Variants in TSHZ3 observed in about 807,000 individuals in gnomAD.
TSHZ3 encodes the protein teashirt zinc finger homeobox 3.
Under a neutral mutation model 64.5 loss-of-function variants are expected in TSHZ3, and 10 were observed. That is an observed-to-expected ratio of 0.16 (90% confidence interval 0.10 to 0.26). TSHZ3 has a LOEUF of 0.26. TSHZ3 is among the 10% of genes least tolerant of loss of function. The probability of loss-of-function intolerance (pLI) is 1.00; values close to 1 mark genes in which losing one functional copy is unlikely to be tolerated. For synonymous variants in TSHZ3, 608 were observed against 593.1 expected (o/e 1.03, Z -0.36); for missense variants, 1,242 against 1,421.7 (o/e 0.87, Z 2.03).
chr19:31,282,229 A>G (rs80004749), intron 1 of TSHZ3, among the ~76,000 whole-genome samples: 7,673 of 152,216 alleles, frequency 0.05, 281 homozygotes, highest in South Asian at 0.1. Flanking sequence ...ACTCAAGGAA[A>G]TGCCCAGGCC....
At chr19:31,347,267 C>CCAA (rs1256625556) in intron 1 of TSHZ3, among the ~76,000 whole-genome samples, 2 of 150,786 alleles carry the variant, frequency 1.3e-5, no homozygotes, top group Admixed American at 6.6e-5. Flanking sequence ...ATAAATAAAG[C>CCAA]CAACAGCAGG....
intron 1 of TSHZ3, among the ~76,000 whole-genome samples, chr19:31,305,318 G>GA (rs34646379): frequency 0.19 from 26,718 of 139,554 alleles, 3,778 homozygotes; most frequent in African/African-American, 0.4. Flanking sequence ...GTCTGGAAAG[G>GA]AAAAAAAAAA....
chr19:31,165,729 C>T (rs1175761416), intron 5 of TSHZ3, among the ~76,000 whole-genome samples: 1 of 152,100 alleles, frequency 6.6e-6, no homozygotes, highest in Non-Finnish European at 1.5e-5. Flanking sequence ...AAATCCAGGC[C>T]ATAACAAGGA....
chr19:31,303,819 A>AT (rs1009075795), intron 1 of TSHZ3, among the ~76,000 whole-genome samples: 6 of 152,050 alleles, frequency 3.9e-5, no homozygotes, highest in Admixed American at 2.0e-4. Flanking sequence ...AGAAAGACGG[A>AT]TTTTTTTGCA....
intron 5 of TSHZ3, among the ~76,000 whole-genome samples, chr19:31,171,040 A>G (rs770067413): frequency 6.6e-6 from 1 of 152,196 alleles, no homozygotes; most frequent in Non-Finnish European, 1.5e-5. Flanking sequence ...TAGAAAGGGA[A>G]TTTAGGTATA....
At chr19:31,306,504 TGA>T (rs1916300517) in intron 1 of TSHZ3, among the ~76,000 whole-genome samples, 1 of 152,110 alleles carries the variant, frequency 6.6e-6, no homozygotes, top group Non-Finnish European at 1.5e-5. Context: ...TCTTTTATCT[TGA>T]GAGGGCACAC....
In TSHZ3 at chr19:31,313,120, G is replaced by A. The variant is rs1568377918; in HGVS notation, c.41-33368C>T. Among the ~76,000 whole-genome samples the A allele has an allele frequency of 3.3e-5, 5 of 152,200 alleles. No individual in the cohort carries two copies. In the East Asian group the frequency reaches 9.7e-4, roughly 30 times the overall value. ...CTCAGGATGCCAAACCTGCTTGGGG[G>A]CAAGGAACAGTCACAGAGGCTTCCA... On this transcript the variant is annotated intron_variant, in intron 1 of 1. Transcript: ENST00000240587.
chr19:31,277,176 C>T lies in TSHZ3; in HGVS notation c.2617G>A (p.Asp873Asn). The change falls in exon 2 of 2, where the codon GAC (aspartate) becomes AAC (asparagine). Residue 873 changes from aspartate (D) to asparagine (N), a missense_variant. By Grantham distance (23) the Asp-to-Asn change is conservative. Coordinates refer to ENST00000240587, the MANE Select transcript of TSHZ3 (RefSeq NM_020856.4). This position sits in a 1 kb window ranked among gnomAD's most constrained non-coding sequence, Gnocchi z 4.5. ...STPSSISEKS[D>N]IDGATLEEAE... ...TCCTCCAGAGTGGCCCCGTCAATGT[C>T]AGACTTCTCGGAGATGCTGGAAGGA... is the stretch of plus-strand genomic sequence containing the variant. The T allele has an allele frequency of 1.9e-6, 3 of 1,614,080 alleles. No individual in the cohort carries two copies. Among genetic ancestry groups the T allele is most frequent in the Non-Finnish European group, 2.5e-6 (3 of 1,179,972 alleles).
chr19:31,209,109 T>G (rs1364727709), intron 4 of TSHZ3, among the ~76,000 whole-genome samples: 1 of 152,096 alleles, frequency 6.6e-6, no homozygotes, highest in Non-Finnish European at 1.5e-5. Flanking sequence ...AGATTTCAAA[T>G]GGACTCAAGA....
At chr19:31,245,681 C>T (rs892550489) in intron 1 of TSHZ3, among the ~76,000 whole-genome samples, 7 of 152,116 alleles carry the variant, frequency 4.6e-5, no homozygotes, top group Non-Finnish European at 8.8e-5. Flanking sequence ...ACCAGCCTTG[C>T]AGAGGATTAC....
intron 4 of TSHZ3, among the ~76,000 whole-genome samples, chr19:31,226,396 A>G (rs1599593146): frequency 6.6e-6 from 1 of 152,002 alleles, no homozygotes; most frequent in Non-Finnish European, 1.5e-5. Flanking sequence ...ACAAGATCTG[A>G]TTGTTTCATA....
intron 1 of TSHZ3, among the ~76,000 whole-genome samples, chr19:31,316,383 T>C (rs1298212039): frequency 1.3e-5 from 2 of 152,198 alleles, no homozygotes; most frequent in Non-Finnish European, 2.9e-5. Flanking sequence ...TCTCCTGTAA[T>C]TGTTTACCTA....
At chr19:31,161,348 C>A (rs746213413) in intron 5 of TSHZ3, among the ~76,000 whole-genome samples, 3 of 152,082 alleles carry the variant, frequency 2.0e-5, no homozygotes, top group Non-Finnish European at 4.4e-5. Flanking sequence ...GAACTAAGGA[C>A]TAAAGTTAAG....
At chr19:31,170,139 T>C (rs946095150) in intron 5 of TSHZ3, among the ~76,000 whole-genome samples, 3 of 152,078 alleles carry the variant, frequency 2.0e-5, no homozygotes, top group African/African-American at 7.2e-5. Flanking sequence ...TGATGAGTGT[T>C]GGGGGCTTAA....
chr19:31,325,539 G>A (rs891703410), intron 1 of TSHZ3, among the ~76,000 whole-genome samples: 5 of 152,168 alleles, frequency 3.3e-5, no homozygotes, highest in Admixed American at 2.6e-4. Flanking sequence ...AAGCGCTGAC[G>A]GCCAGAGACA....
At chr19:31,212,399 A>T (rs1180855345) in intron 4 of TSHZ3, among the ~76,000 whole-genome samples, 1 of 152,214 alleles carries the variant, frequency 6.6e-6, no homozygotes, top group African/African-American at 2.4e-5. Flanking sequence ...CGGAGGTTGC[A>T]GTGAGCCAAG....
intron 5 of TSHZ3, among the ~76,000 whole-genome samples, chr19:31,184,948 A>G (rs1259438143): frequency 6.6e-6 from 1 of 152,182 alleles, no homozygotes; most frequent in Non-Finnish European, 1.5e-5. Flanking sequence ...TTTTCCCCCC[A>G]AGGGGTTAAG....
chr19:31,241,619 G>A (rs528305043), intron 3 of TSHZ3, among the ~76,000 whole-genome samples: 9 of 152,280 alleles, frequency 5.9e-5, no homozygotes, highest in East Asian at 1.9e-4. Context: ...TCTCTGATGC[G>A]CCATTGTGCA....
rs78394590 is a variant in TSHZ3, at chr19:31,225,997, G to A, written n.686+2008C>T. 9.0e-3 allele frequency among the ~76,000 whole-genome samples: 1,370 copies of A among 152,050 alleles called. 22 individuals carry two copies. Among genetic ancestry groups the A allele is most frequent in the African/African-American group, 0.031 (1,267 of 41,454 alleles). The stretch of plus-strand genomic sequence containing the variant: ...CAAAAATGAGCAGGGTGTGTTAATG[G>A]GCACCTGTAATCCCAGCTACTTGGG... On this transcript the variant is annotated intron_variant and non_coding_transcript_variant, in intron 4 of 6. Coordinates refer to the TSHZ3 transcript ENST00000651361.
Sources: allele counts gnomAD v4.1 joint callset (sites outside exome capture counted in the v4.1 genomes callset), GRCh38; gene constraint gnomAD v4.1.1; non-coding constraint Gnocchi (gnomAD v3.1); transcripts MANE v1.5; gene names NCBI Gene and HGNC (gene_info 2026-07-23, HGNC 2026-07-21).